Variants in LCLAT1 observed in about 807,000 individuals in gnomAD.
The protein encoded by LCLAT1 is lysocardiolipin acyltransferase 1.
A neutral mutation model predicts 30.7 loss-of-function variants in LCLAT1; 11 were observed. The ratio of observed to expected loss-of-function variants is 0.36; its 90% CI spans 0.23 to 0.59. The LOEUF is 0.59. Ranked by LOEUF, LCLAT1 falls within the 20% of genes least tolerant of loss-of-function variation. LCLAT1 has a pLI of 0.77. For missense variants in LCLAT1, 402 were observed against 458.6 expected (o/e 0.88, Z 1.13); for synonymous variants, 155 against 151.3 (o/e 1.02, Z -0.18).
Position 30,640,775 on chromosome 2 carries a change from T to C in LCLAT1, c.*156T>C. ...TTTGCACTTAATTTTGTGGGAAAAATATTGCTACAATTTTTTTTAATCTCT... is the reference window on the plus strand; with the variant it reads ...TTTGCACTTAATTTTGTGGGAAAAACATTGCTACAATTTTTTTTAATCTCT... On this transcript the variant is annotated 3_prime_UTR_variant, in exon 6 of 6. Coordinates refer to ENST00000379509, the MANE Select transcript of LCLAT1 (RefSeq NM_001002257.3). 1.1e-6 allele frequency: 1 copy of C among 920,146 alleles called. No homozygotes were observed. Among genetic ancestry groups the C allele is most frequent in the Non-Finnish European group, 1.6e-6 (1 of 634,394 alleles). 57.0% of individuals were successfully genotyped at this position (920,146 alleles called of 1,614,324 possible). A position where few individuals can be genotyped will look rare whatever the true frequency, so the allele number is the denominator to read the frequency against.
chr2:30,574,233 A>T (rs1665902697), intron 5 of LCLAT1, among the ~76,000 whole-genome samples: 1 of 152,084 alleles, frequency 6.6e-6, no homozygotes, highest in Admixed American at 6.6e-5. Flanking sequence ...TAAAAACTAG[A>T]TGTGAAGTTA....
intron 1 of LCLAT1, among the ~76,000 whole-genome samples, chr2:30,480,132 A>G (rs1330497419): frequency 2.0e-5 from 3 of 152,220 alleles, no homozygotes; most frequent in Non-Finnish European, 4.4e-5. Context: ...TTGTATTAGT[A>G]TTCTGTTTAA....
In LCLAT1 at chr2:30,533,288, C is replaced by T. The variant is rs750655578; in HGVS notation, c.338C>T (p.Ala113Val). The T allele has an allele frequency of 1.7e-5, 28 of 1,613,848 alleles. No homozygotes were observed. The highest frequency in any genetic ancestry group is 2.2e-5 in the South Asian group (2 of 91,082). The change falls in exon 3 of 6, where the codon GCG becomes GTG. Residue 113 changes from alanine (A) to valine (V), a missense_variant. Coordinates refer to ENST00000379509, the MANE Select transcript of LCLAT1 (RefSeq NM_001002257.3). ...AGATTGGAGAAAATTTGCCTCAAAGCGAGTCTCAAAGGTGTTCCTGGATTT... is the reference window on the plus strand; with the variant it reads ...AGATTGGAGAAAATTTGCCTCAAAGTGAGTCTCAAAGGTGTTCCTGGATTT... ...YLRLEKICLKASLKGVPGFGW... is the reference protein window; with the variant it reads ...YLRLEKICLKVSLKGVPGFGW...
chr2:30,524,612 G>A (rs12989107), intron 1 of LCLAT1, among the ~76,000 whole-genome samples: 1 of 152,128 alleles, frequency 6.6e-6, no homozygotes, highest in Non-Finnish European at 1.5e-5. Context: ...CATCCAGGAC[G>A]TGAATTATCC....
At chr2:30,545,726 T>C (rs1057378304) in intron 3 of LCLAT1, among the ~76,000 whole-genome samples, 3 of 152,152 alleles carry the variant, frequency 2.0e-5, no homozygotes, top group African/African-American at 4.8e-5. Flanking sequence ...TATGACCACT[T>C]AACTAGTGAA....
At position 30,642,395 on chromosome 2, in the gene LCLAT1, CTTTTCTTTTTTT is replaced by C. The variant is rs1434573910; in HGVS notation, c.*1781_*1792del. ...GTTTTACAGCTTGTTTTTTCTTTTT[CTTTTCTTTTTTT>C]TTTTTTTTTTTTAAAAAAGCACCTT... On this transcript the variant is annotated 3_prime_UTR_variant, in exon 6 of 6. Coordinates refer to ENST00000379509, the MANE Select transcript of LCLAT1 (RefSeq NM_001002257.3). 1 of 34,512 alleles carries C rather than the reference CTTTTCTTTTTTT, an allele frequency of 2.9e-5. No individual in the cohort carries two copies. Among genetic ancestry groups the C allele is most frequent in the African/African-American group, 1.8e-4 (1 of 5,714 alleles). The allele number at this position is 34,512 out of a possible 1,614,324, so 2.1% of individuals were successfully genotyped here.
intron 5 of LCLAT1, among the ~76,000 whole-genome samples, chr2:30,617,183 C>T (rs945756598): frequency 9.9e-5 from 15 of 152,184 alleles, no homozygotes; most frequent in African/African-American, 3.4e-4. Context: ...TGTACCTCTG[C>T]AGTCAGGCCC....
intron 5 of LCLAT1, among the ~76,000 whole-genome samples, chr2:30,627,300 C>G (rs543772816): frequency 6.6e-6 from 1 of 152,194 alleles, no homozygotes; most frequent in African/African-American, 2.4e-5. Context: ...CTGATGTCAC[C>G]TAAGTCTCAT....
chr2:30,512,911 T>G (rs1685010419), intron 1 of LCLAT1, among the ~76,000 whole-genome samples: 1 of 152,206 alleles, frequency 6.6e-6, no homozygotes, highest in South Asian at 2.1e-4. Flanking sequence ...TTTCTCTGTG[T>G]ACTCCTATAA....
At position 30,448,398 on chromosome 2, in the gene LCLAT1, G is replaced by A. The variant is rs1013810451; in HGVS notation, c.-5+1015G>A. 3.3e-5 allele frequency among the ~76,000 whole-genome samples: 5 copies of A among 152,168 alleles called. No homozygotes were observed. The South Asian group carries it at 1.0e-3, about 32-fold the overall frequency. ...AGTAAAAATACATCATCACTTTTTC[G>A]TTTAGGTTTCTGTTGCACATTGTAC... On this transcript the variant is annotated intron_variant, in intron 1 of 5. Transcript: ENST00000379509.
At chr2:30,594,116 G>C (rs1443974962) in intron 5 of LCLAT1, among the ~76,000 whole-genome samples, 1 of 151,882 alleles carries the variant, frequency 6.6e-6, no homozygotes. Context: ...TGTGCTAGGA[G>C]CCTTTTCTTT....
intron 1 of LCLAT1, among the ~76,000 whole-genome samples, chr2:30,516,423 C>A (rs1306099828): frequency 6.6e-6 from 1 of 152,208 alleles, no homozygotes; most frequent in East Asian, 1.9e-4. Context: ...CAGCAAGGCG[C>A]CCATTGCCGC....
At chr2:30,625,520 T>C (rs754475941) in intron 5 of LCLAT1, among the ~76,000 whole-genome samples, 1 of 152,154 alleles carries the variant, frequency 6.6e-6, no homozygotes, top group Non-Finnish European at 1.5e-5. Flanking sequence ...ACTGATAATA[T>C]CCCATCTTCA....
chr2:30,614,621 CATGTT>C (rs1572699764), intron 5 of LCLAT1, among the ~76,000 whole-genome samples: 1 of 152,176 alleles, frequency 6.6e-6, no homozygotes, highest in East Asian at 1.9e-4. Context: ...CCATTTAAGC[CATGTT>C]AAGTTTGAGC....
At chr2:30,494,766 T>C (rs1024437274) in intron 1 of LCLAT1, among the ~76,000 whole-genome samples, 1 of 151,860 alleles carries the variant, frequency 6.6e-6, no homozygotes, top group Non-Finnish European at 1.5e-5. Context: ...TGTCCCCTGC[T>C]CATGGAAAAA....
chr2:30,583,574 G>C (rs1372666729), intron 5 of LCLAT1, among the ~76,000 whole-genome samples: 3 of 152,214 alleles, frequency 2.0e-5, no homozygotes, highest in Non-Finnish European at 1.5e-5. Context: ...CCTTGGGGAA[G>C]GGTGGTTGGA....
At chr2:30,627,426 A>G (rs983257377) in intron 5 of LCLAT1, among the ~76,000 whole-genome samples, 4 of 151,870 alleles carry the variant, frequency 2.6e-5, no homozygotes, top group Non-Finnish European at 5.9e-5. Context: ...CTGTTTCCTT[A>G]TTTTGTGACC....
chr2:30,566,725 A>G lies in LCLAT1; in HGVS notation c.512-1335A>G, dbSNP rs1665500306. On this transcript the variant is annotated intron_variant, in intron 4 of 5. Coordinates refer to ENST00000379509, the MANE Select transcript of LCLAT1 (RefSeq NM_001002257.3). ...TGCTGTCATCAGAAAGTATTTCATG[A>G]TCTCTCCCAGCAGTTGAGGCCAAAT... Among the ~76,000 whole-genome samples the G allele has an allele frequency of 3.3e-5, 5 of 152,254 alleles. No individual in the cohort carries two copies. The South Asian group carries it at 1.0e-3, about 32-fold the overall frequency.
chr2:30,531,214 G>A (rs773939820), intron 2 of LCLAT1, among the ~76,000 whole-genome samples: 3 of 152,062 alleles, frequency 2.0e-5, no homozygotes, highest in African/African-American at 4.8e-5. Context: ...GCAGTGAGCC[G>A]AGATCGCGCC....
Sources: allele counts gnomAD v4.1 joint callset (sites outside exome capture counted in the v4.1 genomes callset), GRCh38; gene constraint gnomAD v4.1.1; transcripts MANE v1.5; gene names NCBI Gene and HGNC (gene_info 2026-07-23, HGNC 2026-07-21).